The following FNIP2 variants were observed in gnomAD, a reference collection of about 807,000 sequenced individuals.
FNIP2 encodes folliculin interacting protein 2.
A neutral mutation model predicts 108.7 loss-of-function variants in FNIP2; 32 were observed. The ratio of observed to expected loss-of-function variants is 0.29; its 90% confidence interval spans 0.22 to 0.40. The LOEUF (loss-of-function observed/expected upper bound fraction) is 0.40. Ranked by LOEUF, FNIP2 falls within the 10% of genes least tolerant of loss-of-function variation. FNIP2 has a pLI of 1.00. For synonymous variants in FNIP2, 480 were observed against 496.7 expected (o/e 0.97, Z 0.45); for missense variants, 1,202 against 1,381.6 (o/e 0.87, Z 2.06).
chr4:158,792,036 T>C (rs1240727862), intron 1 of FNIP2, among the ~76,000 whole-genome samples: 2 of 151,944 alleles, frequency 1.3e-5, no homozygotes, highest in Non-Finnish European at 2.9e-5. Flanking sequence ...CCTAGGAGGT[T>C]GAAGCTACAG....
rs529242443 is a variant in FNIP2 at position 158,870,670 on chromosome 4, G to C, written c.2949+201G>C. Among the ~76,000 whole-genome samples, 7 of 152,366 alleles carry C rather than the reference G, an allele frequency of 4.6e-5. No individual in the cohort carries two copies. In the South Asian group the frequency reaches 1.5e-3, roughly 32 times the overall value. On this transcript the variant is annotated intron_variant, in intron 14 of 16. Coordinates refer to ENST00000264433, the MANE Select transcript of FNIP2 (RefSeq NM_020840.3). Reference sequence around the variant, plus strand: ...GAAGCTAGAAAGCACACCTGGGCCTGACAGAGTAAGGGGAGGGTGCGTGAC... The same window carrying C: ...GAAGCTAGAAAGCACACCTGGGCCTCACAGAGTAAGGGGAGGGTGCGTGAC...
At chr4:158,810,486 C>T (rs1320231565) in intron 1 of FNIP2, among the ~76,000 whole-genome samples, 7 of 152,142 alleles carry the variant, frequency 4.6e-5, no homozygotes, top group Admixed American at 4.6e-4. Flanking sequence ...TTTATTTCTG[C>T]TGGCTGAGGG....
At chr4:158,812,300 A>G (rs1020438980) in intron 1 of FNIP2, among the ~76,000 whole-genome samples, 4 of 152,142 alleles carry the variant, frequency 2.6e-5, no homozygotes, top group Non-Finnish European at 5.9e-5. Context: ...ACAGTTGGGT[A>G]CATTCTGTAG....
intron 14 of FNIP2, among the ~76,000 whole-genome samples, chr4:158,873,901 C>T (rs1781105493): frequency 2.0e-5 from 3 of 152,212 alleles, no homozygotes; most frequent in South Asian, 4.1e-4. Flanking sequence ...AGAGAGCAGG[C>T]GTATGCGCCA....
At chr4:158,830,098 A>G (rs1239946412) in intron 3 of FNIP2, among the ~76,000 whole-genome samples, 1 of 152,178 alleles carries the variant, frequency 6.6e-6, no homozygotes, top group African/African-American at 2.4e-5. Flanking sequence ...CCCAAGAAAA[A>G]GCAGATTATA....
chr4:158,778,944 C>A (rs1775944934), intron 1 of FNIP2, among the ~76,000 whole-genome samples: 1 of 152,210 alleles, frequency 6.6e-6, no homozygotes, highest in Non-Finnish European at 1.5e-5. Context: ...AACCGCACTC[C>A]AGAGAGGTTG....
intron 14 of FNIP2, among the ~76,000 whole-genome samples, chr4:158,883,078 T>A (rs990305926): frequency 1.3e-5 from 2 of 149,420 alleles, no homozygotes; most frequent in Non-Finnish European, 1.5e-5. Flanking sequence ...CCAAAAAAAA[T>A]AAAATAAATA....
chr4:158,872,857 G>A lies in FNIP2; in HGVS notation c.2949+2388G>A. The A allele has an allele frequency of 1.8e-5, 13 of 712,424 alleles. No homozygotes were observed. In the South Asian group the frequency reaches 1.9e-4, roughly 10 times the overall value. 44.1% of individuals were successfully genotyped at this position (712,424 alleles called of 1,614,324 possible). A position where few individuals can be genotyped will look rare whatever the true frequency, so the allele number is the denominator to read the frequency against. The stretch of plus-strand genomic sequence containing the variant: ...CGAATTTACTGCTCCATAAAGCCTA[G>A]TGAATATTTAAATTCTTGAATATGT... On this transcript the variant is annotated intron_variant, in intron 14 of 16. Transcript: ENST00000264433.
chr4:158,777,895 C>A (rs1408142148), intron 1 of FNIP2, among the ~76,000 whole-genome samples: 2 of 151,988 alleles, frequency 1.3e-5, no homozygotes, highest in Non-Finnish European at 2.9e-5. Context: ...CTTTTCACAC[C>A]CCAATCCCCC....
At chr4:158,895,185 A>G (rs187512364) in intron 15 of FNIP2, among the ~76,000 whole-genome samples, 4 of 152,326 alleles carry the variant, frequency 2.6e-5, no homozygotes, top group African/African-American at 9.6e-5. Context: ...CCTAGTTAAA[A>G]TACATTCTTG....
chr4:158,805,098 A>AT (rs1342647107), intron 1 of FNIP2, among the ~76,000 whole-genome samples: 9 of 152,258 alleles, frequency 5.9e-5, no homozygotes, highest in African/African-American at 1.9e-4. Context: ...GATACCGTAC[A>AT]TTAAAAGTAA....
At position 158,872,716 on chromosome 4, in the gene FNIP2, G is replaced by A. The variant is rs1272993849; in HGVS notation, c.2949+2247G>A. 2.0e-5 allele frequency: 20 copies of A among 982,438 alleles called. No individual in the cohort carries two copies. The South Asian group carries it at 2.4e-4, about 12-fold the overall frequency. The allele number at this position is 982,438 out of a possible 1,614,324, so 60.9% of individuals were successfully genotyped here. On this transcript the variant is annotated intron_variant, in intron 14 of 16. Transcript: ENST00000264433. ...GAAGTAGTGTTCTGTTTAAACTGGC[G>A]CTCTGGTCTATGGTAGTGTTTTTTT...
At position 158,835,448 on chromosome 4, in the gene FNIP2, AGACAGG is replaced by A. The variant is rs1221291971; in HGVS notation, c.705_710del (p.Arg235_Asp236del). 1.2e-6 allele frequency: 2 copies of A among 1,612,578 alleles called. No individual in the cohort carries two copies. Among genetic ancestry groups the A allele is most frequent in the South Asian group, 2.2e-5 (2 of 91,066 alleles). On this transcript the variant is annotated inframe_deletion, in exon 7 of 17. Transcript: ENST00000264433. ...ATATGCCAAGCAGAGGACAGAATGA[AGACAGG>A]GACAGTGGCATTGCTCGATCAGGTA... is the stretch of plus-strand genomic sequence containing the variant.
chr4:158,780,801 G>A (rs1776016471), intron 1 of FNIP2, among the ~76,000 whole-genome samples: 1 of 152,210 alleles, frequency 6.6e-6, no homozygotes, highest in East Asian at 1.9e-4. Context: ...GGGAGGCTGA[G>A]GCAGGCAGAT....
intron 1 of FNIP2, among the ~76,000 whole-genome samples, chr4:158,779,375 T>C (rs1044342960): frequency 6.6e-6 from 1 of 152,166 alleles, no homozygotes; most frequent in Non-Finnish European, 1.5e-5. Context: ...AGTTAAATGA[T>C]TATGAAGACA....
At chr4:158,804,667 C>G (rs141931047) in intron 1 of FNIP2, among the ~76,000 whole-genome samples, 90 of 152,206 alleles carry the variant, frequency 5.9e-4, no homozygotes, top group African/African-American at 2.1e-3. Context: ...TCGCCTTGGC[C>G]TCTCAAAGCA....
chr4:158,881,103 G>A (rs1177961453), intron 14 of FNIP2, among the ~76,000 whole-genome samples: 4 of 152,182 alleles, frequency 2.6e-5, no homozygotes, highest in Non-Finnish European at 5.9e-5. Flanking sequence ...TTTAATAAAT[G>A]TATTAAACTT....
intron 1 of FNIP2, among the ~76,000 whole-genome samples, chr4:158,807,679 C>T (rs904170041): frequency 1.3e-5 from 2 of 151,518 alleles, no homozygotes; most frequent in African/African-American, 4.9e-5. Context: ...TTAATAGAAA[C>T]AATAAAACAG....
In FNIP2 at chr4:158,861,492, A is replaced by G; in HGVS notation, c.1295+4A>G. ...TAGAACAGATAAATAAAAACCAGTA[A>G]GCTTCAACTCTCTGGAGACTTGTAT... is the stretch of plus-strand genomic sequence containing the variant. On this transcript the variant is annotated splice_donor_region_variant and intron_variant, in intron 11 of 16. Coordinates refer to ENST00000264433, the MANE Select transcript of FNIP2 (RefSeq NM_020840.3). 6.2e-7 allele frequency: 1 copy of G among 1,613,910 alleles called. No homozygotes were observed. Among genetic ancestry groups the G allele is most frequent in the Non-Finnish European group, 8.5e-7 (1 of 1,179,884 alleles).
Sources: allele counts gnomAD v4.1 joint callset (sites outside exome capture counted in the v4.1 genomes callset), GRCh38; gene constraint gnomAD v4.1.1; transcripts MANE v1.5; gene names NCBI Gene and HGNC (gene_info 2026-07-23, HGNC 2026-07-21).